EPB41L4A: variants seen among roughly 807,000 people sequenced by gnomAD.
The protein encoded by EPB41L4A is band 4.1-like protein 4A.
EPB41L4A carries 100 observed loss-of-function variants against 108.6 expected under a neutral mutation model. That is an observed-to-expected ratio of 0.92 (90% CI 0.78 to 1.09). The LOEUF is 1.09. Among genes scored for constraint, EPB41L4A ranks in the 50% least tolerant of loss-of-function variants. The pLI, the probability that EPB41L4A is intolerant of heterozygous loss-of-function variation, is 0.00. For missense variants in EPB41L4A, 1,030 were observed against 842.7 expected, an observed-to-expected ratio of 1.22 and a Z score of -2.75; for synonymous variants, 319 against 289.0, an observed-to-expected ratio of 1.10 and a Z score of -1.05.
chr5:112,294,540 G>A (rs989265655), intron 2 of EPB41L4A, among the ~76,000 whole-genome samples: 1 of 152,114 alleles, frequency 6.6e-6, no homozygotes, highest in African/African-American at 2.4e-5. Context: ...AATATTTCTG[G>A]GGGGTCGGGG....
intron 1 of EPB41L4A, among the ~76,000 whole-genome samples, chr5:112,314,841 T>G (rs1755329330): frequency 1.3e-5 from 2 of 152,228 alleles, no homozygotes; most frequent in South Asian, 2.1e-4. Flanking sequence ...CATTCCAGTT[T>G]TCTTCTGACC....
At chr5:112,349,440 T>C (rs915402500) in intron 1 of EPB41L4A, among the ~76,000 whole-genome samples, 12 of 152,170 alleles carry the variant, frequency 7.9e-5, no homozygotes, top group Non-Finnish European at 1.6e-4. Flanking sequence ...GTAGATCATT[T>C]GCTGAGACCG....
At chr5:112,229,224 A>G (rs943556570) in intron 12 of EPB41L4A, among the ~76,000 whole-genome samples, 7 of 152,140 alleles carry the variant, frequency 4.6e-5, no homozygotes, top group Admixed American at 3.3e-4. Context: ...TTTTTGAAAC[A>G]CATCACATTT....
In EPB41L4A at chr5:112,164,933, A is replaced by C; in HGVS notation, c.*57T>G. ...ATTAAGATACCTATTTCACAGTTTC[A>C]AAAGTACCAGTGGCGCACACAACCT... On this transcript the variant is annotated 3_prime_UTR_variant, in exon 23 of 23. Coordinates refer to ENST00000261486, the MANE Select transcript of EPB41L4A (RefSeq NM_022140.5). 1 of 1,491,738 alleles carries C rather than the reference A, an allele frequency of 6.7e-7. No individual in the cohort carries two copies. Among genetic ancestry groups the C allele is most frequent in the Non-Finnish European group, 8.9e-7 (1 of 1,120,280 alleles). 92.4% of individuals were successfully genotyped at this position (1,491,738 alleles called of 1,614,324 possible). A position where few individuals can be genotyped will look rare whatever the true frequency, so the allele number is the denominator to read the frequency against.
In EPB41L4A at chr5:112,246,863, T is replaced by C. The variant is rs116516699; in HGVS notation, c.796-6053A>G. Among the ~76,000 whole-genome samples, 207 of 152,288 alleles carry C rather than the reference T, an allele frequency of 1.4e-3. 2 individuals are homozygous for C. Among genetic ancestry groups the C allele is most frequent in the African/African-American group, 4.9e-3 (202 of 41,560 alleles). On this transcript the variant is annotated intron_variant, in intron 9 of 22. Coordinates refer to ENST00000261486, the MANE Select transcript of EPB41L4A (RefSeq NM_022140.5). ...CTACCCCCCTCTTACATGAAAACAG[T>C]GTGCTTCTCAACTCCCATCTTTTGC...
At chr5:112,169,134 CA>C in intron 20 of EPB41L4A, 29 bp from the exon 21 acceptor site, 1 of 1,482,290 alleles carries the variant, frequency 6.7e-7, no homozygotes, top group Non-Finnish European at 9.4e-7. Context: ...AACATGAAAA[CA>C]AACACCCAAA....
At chr5:112,356,227 G>A (rs1962305) in intron 1 of EPB41L4A, among the ~76,000 whole-genome samples, 94,032 of 151,884 alleles carry the variant, frequency 0.62, 29,900 homozygotes, top group South Asian at 0.77. Context: ...ATGACCAACT[G>A]GAAGACTGAA....
rs545866106 is a variant in EPB41L4A, at chr5:112,251,350, G to A, written c.795+7879C>T. On this transcript the variant is annotated intron_variant, in intron 9 of 22. Coordinates refer to ENST00000261486, the MANE Select transcript of EPB41L4A (RefSeq NM_022140.5). ...AATTACTGAATGAAGAAAAATGTGT[G>A]ACTGTAAAATATTGAAAACTTTTCC... Among the ~76,000 whole-genome samples the A allele has an allele frequency of 6.6e-5, 10 of 152,256 alleles. No individual in the cohort carries two copies. The South Asian group carries it at 1.9e-3, about 28-fold the overall frequency.
At chr5:112,274,009 G>A (rs111635447) in intron 4 of EPB41L4A, among the ~76,000 whole-genome samples, 16 of 152,066 alleles carry the variant, frequency 1.1e-4, no homozygotes, top group African/African-American at 3.1e-4. Context: ...TGAGGTCTAC[G>A]CTGGCACAGT....
intron 1 of EPB41L4A, among the ~76,000 whole-genome samples, chr5:112,365,081 C>A (rs1759040071): frequency 1.3e-5 from 2 of 152,194 alleles, no homozygotes; most frequent in African/African-American, 4.8e-5. Flanking sequence ...CAGCTTCTGG[C>A]ATAAAGCAGA....
At chr5:112,298,244 TC>T (rs760341681) in intron 2 of EPB41L4A, among the ~76,000 whole-genome samples, 23 of 152,122 alleles carry the variant, frequency 1.5e-4, no homozygotes, top group Admixed American at 6.6e-4. Context: ...CATTATTGAT[TC>T]TACCCATCCA....
chr5:112,320,685 C>T (rs1273788602), intron 1 of EPB41L4A, among the ~76,000 whole-genome samples: 1 of 152,244 alleles, frequency 6.6e-6, no homozygotes, highest in South Asian at 2.1e-4. Context: ...TTTCCACTGA[C>T]GTATTTAAGA....
At chr5:112,252,367 A>G (rs1456563441) in intron 9 of EPB41L4A, among the ~76,000 whole-genome samples, 1 of 152,146 alleles carries the variant, frequency 6.6e-6, no homozygotes, top group African/African-American at 2.4e-5. Flanking sequence ...ACCCAGATCT[A>G]GATCATTTCC....
intron 1 of EPB41L4A, among the ~76,000 whole-genome samples, chr5:112,333,029 G>A (rs1187959110): frequency 1.3e-5 from 2 of 152,176 alleles, no homozygotes; most frequent in Non-Finnish European, 2.9e-5. Flanking sequence ...TTGCATTTAA[G>A]ATATTATAGA....
chr5:112,284,218 G>A (rs1236013769), intron 2 of EPB41L4A, among the ~76,000 whole-genome samples: 8 of 152,152 alleles, frequency 5.3e-5, no homozygotes. Flanking sequence ...GGGGAAAGAG[G>A]AGCAGAGAGC....
At chr5:112,203,337 C>G (rs1038728512) in intron 15 of EPB41L4A, among the ~76,000 whole-genome samples, 1 of 152,080 alleles carries the variant, frequency 6.6e-6, no homozygotes, top group Non-Finnish European at 1.5e-5. Context: ...GCCTGGGCAT[C>G]AGAGCGAGAC....
Position 112,168,802 on chromosome 5 carries a change from T to C in EPB41L4A, c.1869A>G (p.Val623=), listed in dbSNP as rs1760401564. The change falls in exon 22 of 23, where the codon GTA becomes GTG. Residue 623 remains valine, a synonymous_variant. Coordinates refer to ENST00000261486, the MANE Select transcript of EPB41L4A (RefSeq NM_022140.5). ...AAGAACGGGTCACCGGAAGTGGTGG[T>C]ACAAGATCTGTTTTTGAACTGCAGA... The part of the protein sequence containing the change: ...LSEVNSKTDL[V]PPLPVTRSSD... The C allele has an allele frequency of 5.0e-6, 8 of 1,613,956 alleles. No individual in the cohort carries two copies. Among genetic ancestry groups the C allele is most frequent in the African/African-American group, 1.3e-5 (1 of 74,922 alleles).
chr5:112,396,132 G>A (rs1761332260), intron 1 of EPB41L4A, among the ~76,000 whole-genome samples: 1 of 152,054 alleles, frequency 6.6e-6, no homozygotes, highest in Admixed American at 6.6e-5. Flanking sequence ...ATAGCATTAG[G>A]AGAGATACCT....
intron 1 of EPB41L4A, among the ~76,000 whole-genome samples, chr5:112,405,260 G>A (rs1188551464): frequency 6.6e-6 from 1 of 152,146 alleles, no homozygotes; most frequent in African/African-American, 2.4e-5. Flanking sequence ...TTGAAGGCCA[G>A]TGAGGAACTG....
Sources: gnomAD v4.1 joint callset for allele counts (sites outside exome capture counted in the v4.1 genomes callset) on GRCh38, gnomAD v4.1.1 for gene constraint, MANE v1.5 for transcripts, NCBI Gene and HGNC (gene_info 2026-07-23, HGNC 2026-07-21) for gene names.